The following PRDM8 variants were observed in gnomAD, a reference collection of about 807,000 sequenced individuals.
The protein encoded by PRDM8 is PR domain zinc finger protein 8.
PRDM8 carries 13 observed loss-of-function variants against 46.5 expected under a neutral mutation model. The observed-to-expected ratio is 0.28, with a 90% CI of 0.18 to 0.44. The LOEUF (loss-of-function observed/expected upper bound fraction) is 0.44. Ranked by LOEUF, PRDM8 falls within the 20% of genes least tolerant of loss-of-function variation. The probability of loss-of-function intolerance (pLI) is 1.00; values close to 1 mark genes in which losing one functional copy is unlikely to be tolerated. For synonymous variants in PRDM8, 473 were observed against 438.4 expected (o/e 1.08, Z -0.98); for missense variants, 998 against 955.0 (o/e 1.04, Z -0.59).
chr4:80,193,921 T>A (rs1308029169), upstream of PRDM8, among the ~76,000 whole-genome samples: 1 of 152,184 alleles, frequency 6.6e-6, no homozygotes, highest in Non-Finnish European at 1.5e-5. Context: ...AGAAAATCAG[T>A]GTGTTTTCAT....
chr4:80,196,173 A>T, upstream of PRDM8: 3 of 922,464 alleles, frequency 3.3e-6, no homozygotes, highest in Non-Finnish European at 3.9e-6. Context: ...CAACACTAGG[A>T]AAAACAACAA....
chr4:80,201,322 A>T lies in PRDM8; in HGVS notation c.252A>T (p.Glu84Asp), dbSNP rs1256913343. ...VDTSAANGSS[E>D]GLMWLRLVQS... is the part of the protein sequence containing the mutation. ...CCTCAGCAGCAAATGGTTCCTCAGA[A>T]GGTCTCATGTGGCTGCGGTTGGTCC... Residue 84 changes from glutamate to aspartate, a missense_variant, in exon 3 of 4, where the codon GAA (glutamate) becomes GAT (aspartate). By Grantham distance (45) the Glu-to-Asp change is conservative (BLOSUM62 2). Transcript: ENST00000415738. 5 of 1,614,232 alleles carry T rather than the reference A, an allele frequency of 3.1e-6. No homozygotes were observed. The East Asian group carries it at 1.1e-4, about 36-fold the overall frequency.
chr4:80,198,275 G>T (rs1265068938), intron 1 of PRDM8, among the ~76,000 whole-genome samples: 1 of 152,226 alleles, frequency 6.6e-6, no homozygotes, highest in Non-Finnish European at 1.5e-5. Flanking sequence ...AGGTAGAACT[G>T]CATTTTAATG....
chr4:80,197,074 G>T, upstream of PRDM8: 6 of 985,490 alleles, frequency 6.1e-6, no homozygotes, highest in Non-Finnish European at 7.2e-6. Context: ...AATCCCTGGA[G>T]CTAACCGCAC....
At position 80,202,304 on chromosome 4, in the gene PRDM8, A is replaced by C. The variant is rs764924018; in HGVS notation, c.842A>C (p.Gln281Pro). Reference sequence around the variant, plus strand: ...GGAGGCAGCAGCTGCTCCCCAGCCCAGAGCCTCAGCAGCGGTAGCGGCAGC... The same window carrying C: ...GGAGGCAGCAGCTGCTCCCCAGCCCCGAGCCTCAGCAGCGGTAGCGGCAGC... ...SRGGSSCSPA[Q>P]SLSSGSGSGG... The change falls in exon 4 of 4, where the codon CAG becomes CCG. Residue 281 changes from glutamine to proline, a missense_variant. By Grantham distance (76) the Gln-to-Pro change is moderately conservative. Coordinates refer to ENST00000415738, the MANE Select transcript of PRDM8 (RefSeq NM_001099403.2). 1 of 1,604,410 alleles carries C rather than the reference A, an allele frequency of 6.2e-7. No homozygotes were observed. Among genetic ancestry groups the C allele is most frequent in the East Asian group, 2.3e-5 (1 of 44,388 alleles).
upstream of PRDM8, chr4:80,196,105 G>A: frequency 1.0e-6 from 1 of 982,330 alleles, no homozygotes; most frequent in Non-Finnish European, 1.2e-6. Context: ...TCAAAGCTGG[G>A]AGAGGATCAA....
At chr4:80,198,078 A>C (rs1163411685) in intron 1 of PRDM8, among the ~76,000 whole-genome samples, 1 of 152,226 alleles carries the variant, frequency 6.6e-6, no homozygotes, top group African/African-American at 2.4e-5. Flanking sequence ...CAGGCGGATA[A>C]GAACCTGGGC....
upstream of PRDM8, among the ~76,000 whole-genome samples, chr4:80,195,080 T>C (rs1410309051): frequency 6.6e-6 from 1 of 152,188 alleles, no homozygotes; most frequent in East Asian, 1.9e-4. Flanking sequence ...ATATTTACAA[T>C]ATGTAAGATA....
rs1276443060 is a variant in PRDM8, at chr4:80,202,629, G to A, written c.1167G>A (p.Val389=). Residue 389 remains valine (V), a synonymous_variant, in exon 4 of 4, where the codon GTG becomes GTA. Transcript: ENST00000415738. ...GEAKRSAFVE[V]KKAARAASLQ... ...CGAAGCGCAGCGCCTTCGTGGAGGT[G>A]AAGAAGGCTGCCCGCGCGGCCAGCC... 7 of 1,519,924 alleles carry A rather than the reference G, an allele frequency of 4.6e-6. No individual in the cohort carries two copies. The highest frequency in any genetic ancestry group is 6.1e-6 in the Non-Finnish European group (7 of 1,139,412). The allele number at this position is 1,519,924 out of a possible 1,614,324, so 94.2% of individuals were successfully genotyped here. A position where few individuals can be genotyped will look rare whatever the true frequency, so the allele number is the denominator to read the frequency against.
In PRDM8 at chr4:80,202,945, G is replaced by C. The variant is rs765199329; in HGVS notation, c.1483G>C (p.Asp495His). 9.5e-6 allele frequency: 14 copies of C among 1,471,548 alleles called. No individual in the cohort carries two copies. Among genetic ancestry groups the C allele is most frequent in the Non-Finnish European group, 1.3e-5 (14 of 1,119,024 alleles). 91.2% of individuals were successfully genotyped at this position (1,471,548 alleles called of 1,614,324 possible). ...GGGCGGGGGCCAGGGCGCCGCGTCG[G>C]ACGAGCGCAAAAGCGCCTTCTCGCA... ...GAGGGQGAAS[D>H]ERKSAFSQPA... The change falls in exon 4 of 4, where the codon GAC becomes CAC. Residue 495 changes from aspartate (D) to histidine (H), a missense_variant. Coordinates refer to ENST00000415738, the MANE Select transcript of PRDM8 (RefSeq NM_001099403.2).
Position 80,200,114 on chromosome 4 carries a change from G to T in PRDM8, c.34G>T (p.Asp12Tyr), listed in dbSNP as rs768984964. The T allele has an allele frequency of 1.7e-5, 27 of 1,613,842 alleles. No homozygotes were observed. The highest frequency in any genetic ancestry group is 2.2e-5 in the Non-Finnish European group (26 of 1,179,940). ...EDTGIQRGIW[D>Y]GDAKAVQQCL... is the part of the protein sequence containing the mutation. ...TACTGGCATCCAGCGAGGCATCTGG[G>T]ATGGAGATGCCAAGGCTGTCCAACA... The change falls in exon 2 of 4, where the codon GAT (aspartate) becomes TAT (tyrosine). Residue 12 changes from aspartate to tyrosine, a missense_variant. Coordinates refer to ENST00000415738, the MANE Select transcript of PRDM8 (RefSeq NM_001099403.2).
rs1738535424 is a variant in PRDM8 at position 80,202,200 on chromosome 4, A to C, written c.738A>C (p.Pro246=). 6.2e-7 allele frequency: 1 copy of C among 1,610,832 alleles called. No homozygotes were observed. Among genetic ancestry groups the C allele is most frequent in the Non-Finnish European group, 8.5e-7 (1 of 1,179,420 alleles). Residue 246 remains proline (P), a synonymous_variant, in exon 4 of 4, where the codon CCA becomes CCC. Coordinates refer to ENST00000415738, the MANE Select transcript of PRDM8 (RefSeq NM_001099403.2). Reference sequence around the variant, plus strand: ...CCCCCTCCCCGGAAAGCAGCAACCCATCCGCTGCCGCCGGCGGCAGCAGCG... The same window carrying C: ...CCCCCTCCCCGGAAAGCAGCAACCCCTCCGCTGCCGCCGGCGGCAGCAGCG... ...YPSPSPESSN[P]SAAAGGSSAK... is the part of the protein sequence containing the mutation.
At chr4:80,197,319 C>T, upstream of PRDM8, 1 of 965,350 alleles carries the variant, frequency 1.0e-6, no homozygotes, top group Non-Finnish European at 1.2e-6. Flanking sequence ...AGAGGCGTTG[C>T]CACCCGGGGT....
rs183467485 is a variant in PRDM8, at chr4:80,186,130, T to A, written c.-983+612T>A. On this transcript the variant is annotated intron_variant, in intron 1 of 9. Transcript: ENST00000339711. ...TAGGTGGAGAGACTCCTGTGACGCT[T>A]AGCTTTTCCCGTTTGGTATAGAAAA... is the stretch of plus-strand genomic sequence containing the variant. Among the ~76,000 whole-genome samples the A allele has an allele frequency of 8.7e-4, 132 of 152,298 alleles. 1 individual carries two copies. Among genetic ancestry groups the A allele is most frequent in the Admixed American group, 1.6e-3 (24 of 15,300 alleles).
Position 80,203,247 on chromosome 4 carries a change from G to GGCGGCC in PRDM8, c.1790_1795dup (p.Ala597_Ala598dup). Reference sequence around the variant, plus strand: ...CTGCCGCTGCAGCCGCGGCTGCGGCGGCGGCCGCGGGGCCCTTGCAGCTGC... The same window carrying GGCGGCC: ...CTGCCGCTGCAGCCGCGGCTGCGGCGGCGGCCGCGGCCGCGGGGCCCTTGCAGCTGC... On this transcript the variant is annotated inframe_insertion, in exon 4 of 4. Coordinates refer to ENST00000415738, the MANE Select transcript of PRDM8 (RefSeq NM_001099403.2). The GGCGGCC allele has an allele frequency of 1.3e-6, 2 of 1,557,076 alleles. No individual in the cohort carries two copies. Among genetic ancestry groups the GGCGGCC allele is most frequent in the East Asian group, 2.4e-5 (1 of 41,704 alleles).
upstream of PRDM8, chr4:80,194,203 G>T: frequency 4.1e-6 from 4 of 982,584 alleles, no homozygotes; most frequent in Non-Finnish European, 4.8e-6. Flanking sequence ...GTGTATTTTT[G>T]CCAGGACTCC....
chr4:80,202,993 C>A lies in PRDM8; in HGVS notation c.1531C>A (p.Leu511Met). ...FSQPARSFSQ[L>M]SPLVLGQKLG... The stretch of plus-strand genomic sequence containing the variant: ...GCAGCCAGCACGCTCTTTCTCGCAG[C>A]TGTCCCCGCTGGTGCTGGGCCAGAA... The change falls in exon 4 of 4, where the codon CTG becomes ATG. Residue 511 changes from leucine (L) to methionine (M), a missense_variant. By Grantham distance (15) the Leu-to-Met change is conservative. Transcript: ENST00000415738. 1 of 1,513,024 alleles carries A rather than the reference C, an allele frequency of 6.6e-7. No homozygotes were observed. The highest frequency in any genetic ancestry group is 2.1e-5 in the Admixed American group (1 of 48,734). 93.7% of individuals were successfully genotyped at this position (1,513,024 alleles called of 1,614,324 possible).
rs780414805 is a variant in PRDM8 at position 80,187,573 on chromosome 4, A to G, written c.-983+2055A>G. On this transcript the variant is annotated intron_variant, in intron 1 of 9. Coordinates refer to the PRDM8 transcript ENST00000339711. ...AGGTTTGGGGGATATACAGAGTCCA[A>G]CCCTATACTGGAGGCCTAATTCACC... Among the ~76,000 whole-genome samples, 136 of 152,228 alleles carry G rather than the reference A, an allele frequency of 8.9e-4. 1 individual carries two copies. The highest frequency in any genetic ancestry group is 2.2e-3 in the Admixed American group (33 of 15,298).
At chr4:80,191,848 A>G (rs1560467350) in intron 2 of PRDM8, among the ~76,000 whole-genome samples, 1 of 152,234 alleles carries the variant, frequency 6.6e-6, no homozygotes, top group Non-Finnish European at 1.5e-5. Flanking sequence ...GTTTTCACTC[A>G]GAGTTCAGTT....
Sources: allele counts gnomAD v4.1 joint callset (sites outside exome capture counted in the v4.1 genomes callset), GRCh38; gene constraint gnomAD v4.1.1; transcripts MANE v1.5; gene names NCBI Gene and HGNC (gene_info 2026-07-23, HGNC 2026-07-21).